Variants in DNAJB9 observed in about 807,000 individuals in gnomAD.
DNAJB9 encodes DnaJ heat shock protein family (Hsp40) member B9.
In DNAJB9, 12 loss-of-function variants were observed where a neutral mutation model predicts 19.2. That is an observed-to-expected ratio of 0.62 (90% CI 0.40 to 1.01). DNAJB9 has a LOEUF of 1.01. Among genes scored for constraint, DNAJB9 ranks in the 50% least tolerant of loss-of-function variants. The pLI, the probability that DNAJB9 is intolerant of heterozygous loss-of-function variation, is 0.00. For synonymous variants in DNAJB9, 83 were observed against 84.0 expected, an observed-to-expected ratio of 0.99 and a Z score of 0.07; for missense variants, 272 against 261.1, an observed-to-expected ratio of 1.04 and a Z score of -0.29.
chr7:108,571,647 AT>A, intron 1 of DNAJB9, 69 bp from the exon 2 acceptor site: 34 of 1,305,706 alleles, frequency 2.6e-5, no homozygotes, highest in Non-Finnish European at 3.6e-5. Flanking sequence ...CTTGTGTTGG[AT>A]TTCTTTTAAA....
chr7:108,573,026 T>A lies in DNAJB9; in HGVS notation c.345T>A (p.Phe115Leu). The change falls in exon 3 of 3, where the codon TTT becomes TTA. Residue 115 changes from phenylalanine (F) to leucine (L), a missense_variant. Coordinates refer to ENST00000249356, the MANE Select transcript of DNAJB9 (RefSeq NM_012328.3). ...TTGAGCAGTCATTTAACTTCAATTT[T>A]GATGACTTATTTAAAGACTTTGGCT... is the stretch of plus-strand genomic sequence containing the variant. ...SSFEQSFNFN[F>L]DDLFKDFGFF... 1 of 1,614,054 alleles carries A rather than the reference T, an allele frequency of 6.2e-7. No individual in the cohort carries two copies. Among genetic ancestry groups the A allele is most frequent in the African/African-American group, 1.3e-5 (1 of 75,038 alleles).
chr7:108,570,016 G>T lies in DNAJB9; in HGVS notation c.-98G>T, dbSNP rs1790588103. 5.0e-6 allele frequency: 1 copy of T among 199,308 alleles called. No homozygotes were observed. The highest frequency in any genetic ancestry group is 1.1e-5 in the Non-Finnish European group (1 of 94,446). 12.3% of individuals were successfully genotyped at this position (199,308 alleles called of 1,614,324 possible). A position where few individuals can be genotyped will look rare whatever the true frequency, so the allele number is the denominator to read the frequency against. On this transcript the variant is annotated 5_prime_UTR_variant, in exon 1 of 3. Coordinates refer to ENST00000249356, the MANE Select transcript of DNAJB9 (RefSeq NM_012328.3). The stretch of plus-strand genomic sequence containing the variant: ...CAGCTCCGGGAGGCCGCGGTGAGGG[G>T]CCGGGCCCAAGCTGCCGACCCGAGC...
At position 108,571,905 on chromosome 7, in the gene DNAJB9, G is replaced by C; in HGVS notation, c.179G>C (p.Ser60Thr). The C allele has an allele frequency of 1.2e-6, 2 of 1,614,096 alleles. No individual in the cohort carries two copies. Among genetic ancestry groups the C allele is most frequent in the Non-Finnish European group, 1.7e-6 (2 of 1,180,010 alleles). Residue 60 changes from serine to threonine, a missense_variant, in exon 2 of 3, where the codon AGC (serine) becomes ACC (threonine). Transcript: ENST00000249356. ...AMKYHPDKNK[S>T]PDAEAKFREI... ...AAGTACCACCCTGACAAAAATAAGAGCCCGGATGCTGAAGCAAAATTCAGA... is the reference window on the plus strand; with the variant it reads ...AAGTACCACCCTGACAAAAATAAGACCCCGGATGCTGAAGCAAAATTCAGA...
Position 108,572,859 on chromosome 7 carries a change from T to C in DNAJB9, c.218-40T>C, listed in dbSNP as rs1279248506. 6.7e-6 allele frequency: 10 copies of C among 1,499,444 alleles called. 3 individuals are homozygous for C. The Admixed American group carries it at 1.9e-4, about 29-fold the overall frequency. The allele number at this position is 1,499,444 out of a possible 1,614,324, so 92.9% of individuals were successfully genotyped here. ...ATTTGAATATATGTAATTTTGAATA[T>C]TTTACCTTCAGTTACTAAAAATATT... On this transcript the variant is annotated intron_variant, in intron 2 of 2. Coordinates refer to ENST00000249356, the MANE Select transcript of DNAJB9 (RefSeq NM_012328.3).
At chr7:108,572,300 C>T (rs934109915) in intron 2 of DNAJB9, among the ~76,000 whole-genome samples, 2 of 152,138 alleles carry the variant, frequency 1.3e-5, no homozygotes, top group Admixed American at 1.3e-4. Context: ...ACATTAAAGA[C>T]TTAAAAATTA....
rs760332535 is a variant in DNAJB9, at chr7:108,572,923, A to G, written c.242A>G (p.Asn81Ser). The stretch of plus-strand genomic sequence containing the variant: ...GCATATGAAACACTCTCAGATGCTA[A>G]TAGACGAAAAGAGTATGATACACTT... The part of the protein sequence containing the change: ...AEAYETLSDA[N>S]RRKEYDTLGH... The change falls in exon 3 of 3, where the codon AAT becomes AGT. Residue 81 changes from asparagine to serine, a missense_variant. Transcript: ENST00000249356. 5 of 1,608,262 alleles carry G rather than the reference A, an allele frequency of 3.1e-6. No individual in the cohort carries two copies. The African/African-American group carries it at 4.0e-5, about 13-fold the overall frequency.
chr7:108,573,336 G>T lies in DNAJB9; in HGVS notation c.655G>T (p.Asp219Tyr). ...AGGAAATATGGTTACTACATACACT[G>T]ACTGTTCAGGACAGTAGTTCTTATT... ...RRGNMVTTYT[D>Y]CSGQ The change falls in exon 3 of 3, where the codon GAC becomes TAC. Residue 219 changes from aspartate (D) to tyrosine (Y), a missense_variant. Coordinates refer to ENST00000249356, the MANE Select transcript of DNAJB9 (RefSeq NM_012328.3). The T allele has an allele frequency of 6.4e-7, 1 of 1,567,892 alleles. No homozygotes were observed. Among genetic ancestry groups the T allele is most frequent in the South Asian group, 1.2e-5 (1 of 84,288 alleles).
chr7:108,571,037 T>G (rs1443138102), intron 1 of DNAJB9, among the ~76,000 whole-genome samples: 1 of 152,252 alleles, frequency 6.6e-6, no homozygotes, highest in Non-Finnish European at 1.5e-5. Flanking sequence ...TTCTGGCAGC[T>G]TTAGCAGAAA....
rs549706568 is a variant in DNAJB9, at chr7:108,570,339, T to C, written c.-11+236T>C. On this transcript the variant is annotated intron_variant, in intron 1 of 2. Transcript: ENST00000249356. ...GATTAGAGCCCGGGTCTCGGGCAGC[T>C]TCTGCGGCGGGGCCTGGGCGGGCAG... Among the ~76,000 whole-genome samples the C allele has an allele frequency of 2.8e-3, 432 of 152,192 alleles. 9 individuals are homozygous for C. The highest frequency in any genetic ancestry group is 0.025 in the Admixed American group (378 of 15,288).
chr7:108,572,651 A>C (rs1481528644), intron 2 of DNAJB9, among the ~76,000 whole-genome samples: 2 of 152,196 alleles, frequency 1.3e-5, no homozygotes, highest in African/African-American at 4.8e-5. Flanking sequence ...ACATTTAATA[A>C]CTTTATTGAG....
intron 2 of DNAJB9, 132 bp downstream of exon 2, chr7:108,572,075 A>G: frequency 2.8e-6 from 2 of 720,428 alleles, no homozygotes; most frequent in Non-Finnish European, 2.3e-6. Context: ...ATATTGGGTG[A>G]TTCTCTGAGA....
chr7:108,571,001 A>T (rs755075487), intron 1 of DNAJB9, among the ~76,000 whole-genome samples: 1 of 152,250 alleles, frequency 6.6e-6, no homozygotes, highest in Non-Finnish European at 1.5e-5. Flanking sequence ...TGCCTTAACC[A>T]CAGTACAAAC....
Position 108,574,399 on chromosome 7 carries a change from C to T in DNAJB9, c.*1046C>T, listed in dbSNP as rs1258576676. On this transcript the variant is annotated 3_prime_UTR_variant, in exon 3 of 3. Transcript: ENST00000249356. ...TGAGAGAAATATAAATATTTACAAC[C>T]TGATATTCGTTGTTGTTTTATTGTT... 6.6e-6 allele frequency: 1 copy of T among 152,402 alleles called. No homozygotes were observed. Among genetic ancestry groups the T allele is most frequent in the African/African-American group, 2.4e-5 (1 of 41,390 alleles). The allele number at this position is 152,402 out of a possible 1,614,324, so 9.4% of individuals were successfully genotyped here. A position where few individuals can be genotyped will look rare whatever the true frequency, so the allele number is the denominator to read the frequency against.
chr7:108,572,070 G>A, intron 2 of DNAJB9, 127 bp downstream of exon 2: 5 of 784,722 alleles, frequency 6.4e-6, no homozygotes, highest in South Asian at 5.7e-5. Context: ...TATAAATATT[G>A]GGTGATTCTC....
chr7:108,570,559 C>A (rs1177544353), intron 1 of DNAJB9, among the ~76,000 whole-genome samples: 1 of 152,184 alleles, frequency 6.6e-6, no homozygotes, highest in Non-Finnish European at 1.5e-5. Context: ...TCTGCTGAAC[C>A]AGTGAGGCGC....
Position 108,572,897 on chromosome 7 carries a change from A to T in DNAJB9, c.218-2A>T. 1 of 1,582,890 alleles carries T rather than the reference A, an allele frequency of 6.3e-7. No individual in the cohort carries two copies. On this transcript the variant is annotated splice_acceptor_variant, in intron 2 of 2. Coordinates refer to ENST00000249356, the MANE Select transcript of DNAJB9 (RefSeq NM_012328.3). LOFTEE classifies it high-confidence loss of function. ...TACTAAAAATATTTTTGTCACTTTC[A>T]GCATATGAAACACTCTCAGATGCTA...
At chr7:108,570,424 G>T (rs1790598864) in intron 1 of DNAJB9, among the ~76,000 whole-genome samples, 2 of 152,142 alleles carry the variant, frequency 1.3e-5, no homozygotes, top group East Asian at 3.9e-4. Context: ...GCCCACCGAG[G>T]CTGGGGAATA....
In DNAJB9 at chr7:108,573,149, C is replaced by T. The variant is rs773508541; in HGVS notation, c.468C>T (p.Phe156=). The T allele has an allele frequency of 6.2e-7, 1 of 1,613,988 alleles. No individual in the cohort carries two copies. The highest frequency in any genetic ancestry group is 8.5e-7 in the Non-Finnish European group (1 of 1,179,916). ...DGGSSRQRHH[F]QEFSFGGGLF... ...GTTCCAGTAGACAAAGGCATCATTT[C>T]CAAGAATTTTCTTTTGGAGGTGGAT... The change falls in exon 3 of 3, where the codon TTC becomes TTT. Residue 156 remains phenylalanine, a synonymous_variant. Coordinates refer to ENST00000249356, the MANE Select transcript of DNAJB9 (RefSeq NM_012328.3).
At chr7:108,570,806 CTTAT>C (rs1790607331) in intron 1 of DNAJB9, among the ~76,000 whole-genome samples, 2 of 152,120 alleles carry the variant, frequency 1.3e-5, no homozygotes, top group Non-Finnish European at 2.9e-5. Flanking sequence ...TTTCGTCAGC[CTTAT>C]TATGGCATTA....
Sources: gnomAD v4.1 joint callset for allele counts (sites outside exome capture counted in the v4.1 genomes callset) on GRCh38, gnomAD v4.1.1 for gene constraint, MANE v1.5 for transcripts, NCBI Gene and HGNC (gene_info 2026-07-23, HGNC 2026-07-21) for gene names.